Variants in ARID1A observed in about 807,000 individuals in gnomAD.
ARID1A encodes AT-rich interactive domain-containing protein 1A.
A neutral mutation model predicts 212.6 loss-of-function variants in ARID1A; 20 were observed. The ratio of observed to expected loss-of-function variants is 0.09; its 90% CI spans 0.07 to 0.14. The LOEUF is 0.14. Ranked by LOEUF, ARID1A falls within the 10% of genes least tolerant of loss-of-function variation. The probability of loss-of-function intolerance (pLI) is 1.00; values close to 1 mark genes in which losing one functional copy is unlikely to be tolerated. For missense variants in ARID1A, 2,587 were observed against 3,059.0 expected (o/e 0.85, Z 3.64); for synonymous variants, 1,376 against 1,222.1 (o/e 1.13, Z -2.63).
At chr1:26,764,497 A>C (rs1386098959) in intron 8 of ARID1A, 3 of 152,162 alleles carry the variant, frequency 2.0e-5, no homozygotes, top group Non-Finnish European at 4.4e-5. Context: ...ATGTGGTCCT[A>C]CGTGTTGACT....
chr1:26,700,696 AATGATATTTCT>A (rs1227489871), intron 1 of ARID1A, among the ~76,000 whole-genome samples: 4 of 152,246 alleles, frequency 2.6e-5, no homozygotes, highest in Non-Finnish European at 4.4e-5. Flanking sequence ...GGAAACATCA[AATGATATTTCT>A]GACTCCTGGG....
rs1211833115 is a variant in ARID1A at position 26,779,163 on chromosome 1, T to A, written c.5265T>A (p.Ser1755Arg). The stretch of plus-strand genomic sequence containing the variant: ...CTGGGAGGTTCAGCAAGGTGTCTAG[T>A]CCAGCTCCCATGGAGGGTGGGGAAG... ...LDPGRFSKVS[S>R]PAPMEGGEEE... The change falls in exon 20 of 20, where the codon AGT becomes AGA. Residue 1755 changes from serine to arginine, a missense_variant. Physicochemically the swap from Ser to Arg is moderately radical, Grantham distance 110 (BLOSUM62 -1). Coordinates refer to ENST00000324856, the MANE Select transcript of ARID1A (RefSeq NM_006015.6). The A allele has an allele frequency of 4.4e-6, 7 of 1,603,204 alleles. No homozygotes were observed. The highest frequency in any genetic ancestry group is 6.0e-6 in the Non-Finnish European group (7 of 1,173,996).
intron 1 of ARID1A, among the ~76,000 whole-genome samples, chr1:26,701,270 A>G (rs961091124): frequency 1.3e-5 from 2 of 152,194 alleles, no homozygotes; most frequent in African/African-American, 4.8e-5. Context: ...AAATATGGTA[A>G]AAATGTGGTA....
chr1:26,746,578 G>A (rs1316516407), intron 4 of ARID1A, among the ~76,000 whole-genome samples: 1 of 152,198 alleles, frequency 6.6e-6, no homozygotes, highest in Non-Finnish European at 1.5e-5. Flanking sequence ...CCAGAGGGGA[G>A]GACCTGTAGG....
rs1168844460 is a variant in ARID1A at position 26,762,997 on chromosome 1, A to G, written c.2444A>G (p.Tyr815Cys). 2 of 1,601,250 alleles carry G rather than the reference A, an allele frequency of 1.2e-6. No individual in the cohort carries two copies. Among genetic ancestry groups the G allele is most frequent in the Non-Finnish European group, 1.7e-6 (2 of 1,169,410 alleles). The change falls in exon 8 of 20, where the codon TAT becomes TGT. Residue 815 changes from tyrosine (Y) to cysteine (C), a missense_variant. Coordinates refer to ENST00000324856, the MANE Select transcript of ARID1A (RefSeq NM_006015.6). ...GGTGGCTACCCCAGGCAGCCAAACT[A>G]TAATGCCTTGCCCAATGCCAACTAC... ...PQGGYPRQPNYNALPNANYPS... is the reference protein window; with the variant it reads ...PQGGYPRQPNCNALPNANYPS...
intron 4 of ARID1A, among the ~76,000 whole-genome samples, chr1:26,756,036 C>T (rs2080932744): frequency 6.6e-6 from 1 of 151,994 alleles, no homozygotes; most frequent in Non-Finnish European, 1.5e-5. Flanking sequence ...AGCCACCGCG[C>T]CTGGCCAAGT....
rs1570541122 is a variant in ARID1A at position 26,697,555 on chromosome 1, G to A, written c.1137+15G>A. The A allele has an allele frequency of 7.5e-7, 1 of 1,337,400 alleles. No individual in the cohort carries two copies. The highest frequency in any genetic ancestry group is 9.5e-7 in the Non-Finnish European group (1 of 1,052,230). The allele number at this position is 1,337,400 out of a possible 1,614,324, so 82.8% of individuals were successfully genotyped here. ...GGACCCCTCAGGTACACAGCTGAGT[G>A]GGGAGGGGGCTGGGGCGAGCGTGGT... On this transcript the variant is annotated intron_variant, in intron 1 of 19. Transcript: ENST00000324856.
At chr1:26,722,393 G>T (rs930077464) in intron 1 of ARID1A, among the ~76,000 whole-genome samples, 1 of 152,036 alleles carries the variant, frequency 6.6e-6, no homozygotes, top group African/African-American at 2.4e-5. Context: ...TTACAGGCAC[G>T]TGCCACCATG....
intron 4 of ARID1A, among the ~76,000 whole-genome samples, chr1:26,753,947 CA>C (rs1304704575): frequency 2.6e-5 from 4 of 152,140 alleles, no homozygotes; most frequent in Admixed American, 6.5e-5. Context: ...GCTGGGACTA[CA>C]GGCACACGCC....
intron 17 of ARID1A, 99 bp downstream of exon 17, chr1:26,773,997 G>A (rs2081110468): frequency 2.7e-6 from 4 of 1,457,980 alleles, no homozygotes; most frequent in African/African-American, 2.8e-5. Flanking sequence ...GCTCACTTTA[G>A]ATATTTTGGC....
chr1:26,739,516 A>C (rs2124800510), intron 4 of ARID1A, among the ~76,000 whole-genome samples: 1 of 152,348 alleles, frequency 6.6e-6, no homozygotes, highest in East Asian at 1.9e-4. Context: ...AGGAAAAAAA[A>C]TTACTAGACT....
In ARID1A at chr1:26,763,122, A is replaced by G. The variant is rs2081007814; in HGVS notation, c.2569A>G (p.Arg857Gly). The G allele has an allele frequency of 6.2e-7, 1 of 1,614,290 alleles. No homozygotes were observed. Among genetic ancestry groups the G allele is most frequent in the Non-Finnish European group, 8.5e-7 (1 of 1,180,050 alleles). The change falls in exon 8 of 20, where the codon AGG becomes GGG. Residue 857 changes from arginine (R) to glycine (G), a missense_variant. Arg to Gly is a moderately radical substitution (Grantham distance 125). Transcript: ENST00000324856. ...IPPYGTLPPG[R>G]MSHASMGNRP... ...ACCTTATGGCACACTCCCTCCAGGG[A>G]GGATGAGTCACGCCTCCATGGGCAA...
chr1:26,757,825 C>A (rs1013906036), intron 4 of ARID1A, among the ~76,000 whole-genome samples: 1 of 152,090 alleles, frequency 6.6e-6, no homozygotes, highest in African/African-American at 2.4e-5. Flanking sequence ...CCCACCACCA[C>A]GCCCGGGTTT....
Position 26,751,907 on chromosome 1 carries a change from A to G in ARID1A, c.1921-8949A>G, listed in dbSNP as rs184625434. On this transcript the variant is annotated intron_variant, in intron 4 of 19. Transcript: ENST00000324856. ...GGCCAAAAGGTATCAGGAAGAATGA[A>G]TCATTATCTTCAGAACAATAGCCTA... 3.2e-3 allele frequency among the ~76,000 whole-genome samples: 483 copies of G among 152,320 alleles called. 1 individual carries two copies. Among genetic ancestry groups the G allele is most frequent in the African/African-American group, 0.011 (454 of 41,558 alleles).
intron 1 of ARID1A, among the ~76,000 whole-genome samples, chr1:26,718,381 G>A (rs2080524522): frequency 6.6e-6 from 1 of 152,186 alleles, no homozygotes; most frequent in Admixed American, 6.5e-5. Flanking sequence ...CAGGGGCAGA[G>A]CTCTTAAGCC....
Position 26,771,573 on chromosome 1 carries a change from G to A in ARID1A, c.3406+247G>A. 1 of 536,026 alleles carries A rather than the reference G, an allele frequency of 1.9e-6. No individual in the cohort carries two copies. The allele number at this position is 536,026 out of a possible 1,614,324, so 33.2% of individuals were successfully genotyped here. On this transcript the variant is annotated intron_variant, in intron 12 of 19. Coordinates refer to ENST00000324856, the MANE Select transcript of ARID1A (RefSeq NM_006015.6). The surrounding 1 kb of genome is among the most constrained non-coding windows in gnomAD (Gnocchi z 5.4). ...GCAGCTGACAACTTGCCAAATGTTT[G>A]TAAACTGGTGAATGGGAGGGGCACA...
intron 4 of ARID1A, 107 bp downstream of exon 4, chr1:26,732,899 A>G (rs572151914): frequency 7.2e-6 from 7 of 971,930 alleles, no homozygotes; most frequent in African/African-American, 1.6e-5. Context: ...TAAATGAATA[A>G]GTTATTTCTT....
intron 2 of ARID1A, among the ~76,000 whole-genome samples, chr1:26,730,306 G>A (rs369873184): frequency 3.3e-4 from 51 of 152,280 alleles, no homozygotes; most frequent in African/African-American, 1.2e-3. Flanking sequence ...TAGAAGAAAA[G>A]GGGAAGATTA....
chr1:26,780,144 G>A lies in ARID1A; in HGVS notation c.6246G>A (p.Leu2082=), dbSNP rs149918240. Residue 2082 remains leucine, a synonymous_variant, in exon 20 of 20, where the codon CTG becomes CTA. Transcript: ENST00000324856. The surrounding 1 kb of genome is among the most constrained non-coding windows in gnomAD (Gnocchi z 7.2). ...DLSPYPESIC[L]PVLDGLLHWA... ...CTCCATACCCCGAGAGCATTTGCCTGCCTGTCCTGGACGGACTCCTACACT... is the reference window on the plus strand; with the variant it reads ...CTCCATACCCCGAGAGCATTTGCCTACCTGTCCTGGACGGACTCCTACACT... The A allele has an allele frequency of 1.2e-6, 2 of 1,614,036 alleles. No homozygotes were observed. Among genetic ancestry groups the A allele is most frequent in the African/African-American group, 2.7e-5 (2 of 74,908 alleles).
Sources: allele counts gnomAD v4.1 joint callset (sites outside exome capture counted in the v4.1 genomes callset), GRCh38; gene constraint gnomAD v4.1.1; non-coding constraint Gnocchi (gnomAD v3.1); transcripts MANE v1.5; gene names NCBI Gene and HGNC (gene_info 2026-07-23, HGNC 2026-07-21).